The following SENP5 variants were observed in gnomAD, a reference collection of about 807,000 sequenced individuals.
SENP5 encodes sentrin-specific protease 5.
SENP5 carries 21 observed loss-of-function variants against 74.2 expected under a neutral mutation model. The ratio of observed to expected loss-of-function variants is 0.28; its 90% CI spans 0.20 to 0.41. The LOEUF (loss-of-function observed/expected upper bound fraction) is 0.41. Among genes scored for constraint, SENP5 ranks in the 10% least tolerant of loss-of-function variants. The probability of loss-of-function intolerance (pLI) is 1.00; values close to 1 mark genes in which losing one functional copy is unlikely to be tolerated. For missense variants in SENP5, 717 were observed against 889.1 expected (o/e 0.81, Z 2.46); for synonymous variants, 311 against 312.7 (o/e 0.99, Z 0.06).
At chr3:196,881,090 G>T (rs1713708552) in intron 1 of SENP5, among the ~76,000 whole-genome samples, 1 of 151,800 alleles carries the variant, frequency 6.6e-6, no homozygotes, top group African/African-American at 2.4e-5. Context: ...GGGACCACAG[G>T]CACATGCCAC....
chr3:196,896,613 C>G (rs1334485796), intron 2 of SENP5, among the ~76,000 whole-genome samples: 1 of 152,102 alleles, frequency 6.6e-6, no homozygotes, highest in Admixed American at 6.6e-5. Flanking sequence ...CTAACATGCC[C>G]GGCTAATTTT....
intron 7 of SENP5, among the ~76,000 whole-genome samples, chr3:196,925,497 A>G (rs1045680006): frequency 1.3e-5 from 2 of 152,216 alleles, no homozygotes; most frequent in African/African-American, 2.4e-5. Context: ...AAGTGCAGCC[A>G]TATCAGTGCC....
chr3:196,934,256 A>G lies in SENP5; in HGVS notation c.*3333A>G, dbSNP rs1418906168. 1 of 152,234 alleles carries G rather than the reference A, an allele frequency of 6.6e-6. No homozygotes were observed. Among genetic ancestry groups the G allele is most frequent in the Non-Finnish European group, 1.5e-5 (1 of 68,044 alleles). The allele number at this position is 152,234 out of a possible 1,614,324, so 9.4% of individuals were successfully genotyped here. On this transcript the variant is annotated 3_prime_UTR_variant, in exon 10 of 10. Transcript: ENST00000323460. ...GATTTATAGTTGGAACAGAACAGTA[A>G]CAGACCTAACTGGGACTCAGCCAGC...
At chr3:196,905,501 C>G (rs1421967313) in intron 6 of SENP5, among the ~76,000 whole-genome samples, 1 of 152,134 alleles carries the variant, frequency 6.6e-6, no homozygotes, top group Non-Finnish European at 1.5e-5. Context: ...AGTGAGGGTT[C>G]CCATGCCGCC....
intron 8 of SENP5, among the ~76,000 whole-genome samples, chr3:196,928,787 A>G (rs911295189): frequency 1.4e-4 from 22 of 152,232 alleles, no homozygotes; most frequent in Admixed American, 3.9e-4. Context: ...TCAAACCAGA[A>G]CTAGTAAATT....
At chr3:196,884,387 A>T (rs560804534) in intron 1 of SENP5, among the ~76,000 whole-genome samples, 1 of 152,368 alleles carries the variant, frequency 6.6e-6, no homozygotes, top group African/African-American at 2.4e-5. Context: ...AATGAATGAC[A>T]GTCAAATCCA....
At chr3:196,927,441 C>G (rs1715854999) in intron 7 of SENP5, among the ~76,000 whole-genome samples, 1 of 152,112 alleles carries the variant, frequency 6.6e-6, no homozygotes, top group African/African-American at 2.4e-5. Flanking sequence ...AGGTCTGACT[C>G]CCCCTTAACA....
chr3:196,899,954 C>T lies in SENP5; in HGVS notation c.1650C>T (p.Asn550=), dbSNP rs1241217120. Residue 550 remains asparagine, a synonymous_variant, in exon 4 of 10, where the codon AAC becomes AAT. Coordinates refer to ENST00000323460, the MANE Select transcript of SENP5 (RefSeq NM_152699.5). ...RKPFINREIT[N]YRARHQKCNF... is the part of the protein sequence containing the mutation. ...CATTTATCAATAGGGAAATAACAAACTATCGGGCCAGACATCAAAAATGTA... is the reference window on the plus strand; with the variant it reads ...CATTTATCAATAGGGAAATAACAAATTATCGGGCCAGACATCAAAAATGTA... 1 of 1,613,898 alleles carries T rather than the reference C, an allele frequency of 6.2e-7. No homozygotes were observed. Among genetic ancestry groups the T allele is most frequent in the Admixed American group, 1.7e-5 (1 of 59,956 alleles).
At chr3:196,871,171 GA>G (rs201032206) in intron 1 of SENP5, among the ~76,000 whole-genome samples, 20 of 148,538 alleles carry the variant, frequency 1.3e-4, no homozygotes, top group African/African-American at 4.9e-4. Flanking sequence ...CTCTGTCTCA[GA>G]AAAAAAAACA....
chr3:196,872,684 G>C (rs1359792482), intron 1 of SENP5, among the ~76,000 whole-genome samples: 2 of 152,178 alleles, frequency 1.3e-5, no homozygotes, highest in African/African-American at 4.8e-5. Context: ...GTAGCCACTA[G>C]CCACATGTAG....
chr3:196,875,705 A>T (rs1347455454), intron 1 of SENP5, among the ~76,000 whole-genome samples: 1 of 151,982 alleles, frequency 6.6e-6, no homozygotes, highest in Non-Finnish European at 1.5e-5. Context: ...TTGTACCCTG[A>T]ATTTGACTTT....
intron 6 of SENP5, among the ~76,000 whole-genome samples, chr3:196,915,397 C>T (rs1374632866): frequency 6.6e-6 from 1 of 152,154 alleles, no homozygotes; most frequent in African/African-American, 2.4e-5. Context: ...AAATAAAGCA[C>T]CAGTCATTCC....
In SENP5 at chr3:196,897,640, A is replaced by G. The variant is rs185499377; in HGVS notation, c.1514-2026A>G. ...CCAAGACACTCTTATCATCTTTTCT[A>G]TCCTGTTTATATCAATGCATGGCAG... On this transcript the variant is annotated intron_variant, in intron 2 of 9. Coordinates refer to ENST00000323460, the MANE Select transcript of SENP5 (RefSeq NM_152699.5). Among the ~76,000 whole-genome samples, 51 of 152,332 alleles carry G rather than the reference A, an allele frequency of 3.3e-4. 1 individual carries two copies. The East Asian group carries it at 8.9e-3, about 27-fold the overall frequency.
At chr3:196,920,538 C>T (rs1715575196) in intron 6 of SENP5, among the ~76,000 whole-genome samples, 1 of 152,170 alleles carries the variant, frequency 6.6e-6, no homozygotes, top group Non-Finnish European at 1.5e-5. Flanking sequence ...CCTTACTGCA[C>T]TGGCTAAGAC....
At chr3:196,868,475 T>C (rs1459195299) in intron 1 of SENP5, among the ~76,000 whole-genome samples, 1 of 152,258 alleles carries the variant, frequency 6.6e-6, no homozygotes, top group African/African-American at 2.4e-5. Flanking sequence ...GTTTCTTTCC[T>C]CGCGCTCCCC....
intron 2 of SENP5, among the ~76,000 whole-genome samples, chr3:196,891,948 G>T (rs1280071363): frequency 6.6e-6 from 1 of 151,260 alleles, no homozygotes; most frequent in South Asian, 2.1e-4. Context: ...GTGCCACCAC[G>T]CCCGGCTAAT....
rs769406120 is a variant in SENP5, at chr3:196,874,869, GA to G, written c.-32+6809del. On this transcript the variant is annotated intron_variant, in intron 1 of 9. Coordinates refer to ENST00000323460, the MANE Select transcript of SENP5 (RefSeq NM_152699.5). ...ACTCCAGCCTGGGCAACAAGAGTGG[GA>G]AAAAAAAAAAAATTCCTAGAGTTCC... 9.2e-3 allele frequency among the ~76,000 whole-genome samples: 1,326 copies of G among 144,242 alleles called. 27 individuals carry two copies. In the East Asian group the frequency reaches 0.11, roughly 12 times the overall value. The allele number at this position is 144,242 out of a possible 152,430, so 94.6% of individuals were successfully genotyped here.
chr3:196,915,332 G>A (rs915747698), intron 6 of SENP5, among the ~76,000 whole-genome samples: 3 of 152,172 alleles, frequency 2.0e-5, no homozygotes, highest in Non-Finnish European at 2.9e-5. Flanking sequence ...GGAACGGAGA[G>A]GAAAGAGTAC....
At position 196,931,254 on chromosome 3, in the gene SENP5, T is replaced by TA. The variant is rs1716028514; in HGVS notation, c.*332dup. ...TAGATTTGGTGCAGCTTTTGAAACT[T>TA]AGTTAGACGTGAACTGAATACAGGT... is the stretch of plus-strand genomic sequence containing the variant. On this transcript the variant is annotated 3_prime_UTR_variant, in exon 10 of 10. Coordinates refer to ENST00000323460, the MANE Select transcript of SENP5 (RefSeq NM_152699.5). 5.0e-6 allele frequency: 1 copy of TA among 201,490 alleles called. No individual in the cohort carries two copies. Among genetic ancestry groups the TA allele is most frequent in the East Asian group, 1.3e-4 (1 of 7,984 alleles). 12.5% of individuals were successfully genotyped at this position (201,490 alleles called of 1,614,324 possible).
Sources: gnomAD v4.1 joint callset for allele counts (sites outside exome capture counted in the v4.1 genomes callset) on GRCh38, gnomAD v4.1.1 for gene constraint, MANE v1.5 for transcripts, NCBI Gene and HGNC (gene_info 2026-07-23, HGNC 2026-07-21) for gene names.